IL1RAPL2: variants seen among roughly 807,000 people sequenced by gnomAD.
IL1RAPL2 encodes the protein interleukin 1 receptor accessory protein like 2.
IL1RAPL2 carries 3 observed loss-of-function variants against 44.1 expected under a neutral mutation model. The ratio of observed to expected loss-of-function variants is 0.07; its 90% confidence interval spans 0.03 to 0.18. The LOEUF (loss-of-function observed/expected upper bound fraction) is 0.18. Ranked by LOEUF, IL1RAPL2 falls within the 10% of genes least tolerant of loss-of-function variation. The pLI is 1.00. For missense variants in IL1RAPL2, 391 were observed against 496.4 expected (o/e 0.79, Z 2.02); for synonymous variants, 181 against 178.8 (o/e 1.01, Z -0.10).
intron 10 of IL1RAPL2, among the ~76,000 whole-genome samples, chrX:105,761,220 T>TAC (rs113089380): frequency 0.13 from 10,741 of 83,973 alleles, 784 homozygotes; most frequent in East Asian, 0.31. Context: ...ACTCTTCCTA[T>TAC]ACACACACAC....
chrX:105,496,193 C>T (rs189487068), intron 6 of IL1RAPL2, among the ~76,000 whole-genome samples: 7 of 112,061 alleles, frequency 6.2e-5, no homozygotes, highest in Non-Finnish European at 1.1e-4. Flanking sequence ...AGTTATCCTG[C>T]CATTCCAGAA....
chrX:105,032,609 G>A (rs773638418), intron 2 of IL1RAPL2, among the ~76,000 whole-genome samples: 7 of 111,756 alleles, frequency 6.3e-5, no homozygotes, highest in Non-Finnish European at 1.3e-4. Context: ...TATAATTTCT[G>A]TTCTTTTACA....
At chrX:105,558,655 C>T (rs2036912477) in intron 6 of IL1RAPL2, among the ~76,000 whole-genome samples, 1 of 111,997 alleles carries the variant, frequency 8.9e-6, no homozygotes, top group African/African-American at 3.2e-5. Flanking sequence ...GAAAGTGACC[C>T]AACTTTTGAC....
At chrX:105,132,884 A>G (rs1349915731) in intron 2 of IL1RAPL2, among the ~76,000 whole-genome samples, 1 of 111,992 alleles carries the variant, frequency 8.9e-6, no homozygotes, top group Non-Finnish European at 1.9e-5. Flanking sequence ...AATCAATATG[A>G]GAAAAAGCAA....
intron 5 of IL1RAPL2, among the ~76,000 whole-genome samples, chrX:105,315,578 G>GGATATATATATATATATATATA: frequency 4.6e-5 from 1 of 21,815 alleles, no homozygotes; most frequent in African/African-American, 7.4e-5. Flanking sequence ...ACTAATGGAT[G>GGATATATATATATATATATATA]TATATATATA....
intron 5 of IL1RAPL2, among the ~76,000 whole-genome samples, chrX:105,353,612 C>G (rs1569427696): frequency 9.0e-6 from 1 of 111,336 alleles, no homozygotes; most frequent in Non-Finnish European, 1.9e-5. Flanking sequence ...TTTCATTGAG[C>G]AGTGGTTTGT....
intron 2 of IL1RAPL2, among the ~76,000 whole-genome samples, chrX:105,161,335 T>C (rs971464396): frequency 9.0e-6 from 1 of 110,595 alleles, no homozygotes; most frequent in Admixed American, 9.8e-5. Context: ...CTCATTCACT[T>C]GAATTTAAAA....
At chrX:105,734,322 T>A (rs2147569720) in intron 7 of IL1RAPL2, among the ~76,000 whole-genome samples, 1 of 110,668 alleles carries the variant, frequency 9.0e-6, no homozygotes, top group Admixed American at 9.7e-5. Flanking sequence ...ATTTCCCTTC[T>A]CCCAGGTGGG....
intron 4 of IL1RAPL2, among the ~76,000 whole-genome samples, chrX:105,266,842 A>G (rs1278290380): frequency 8.9e-6 from 1 of 111,811 alleles, no homozygotes; most frequent in African/African-American, 3.2e-5. Flanking sequence ...CTTGATTACA[A>G]GAAGGGAGAT....
rs186766789 is a variant in IL1RAPL2, at chrX:105,104,786, A to G, written c.83-90689A>G. 2.6e-3 allele frequency among the ~76,000 whole-genome samples: 291 copies of G among 112,225 alleles called. 2 individuals carry two copies. The Middle Eastern group carries it at 0.032, about 12-fold the overall frequency. The stretch of plus-strand genomic sequence containing the variant: ...GGCTGAAATGGACAAATATGTAGGG[A>G]AAAAATACAGTAATAAAAAGCTGTG... On this transcript the variant is annotated intron_variant, in intron 2 of 10. Transcript: ENST00000372582.
At chrX:105,574,217 G>GA (rs1175722787) in intron 6 of IL1RAPL2, among the ~76,000 whole-genome samples, 1 of 111,972 alleles carries the variant, frequency 8.9e-6, no homozygotes, top group Non-Finnish European at 1.9e-5. Context: ...GATGGCAAAG[G>GA]AAACAGTAAA....
chrX:104,966,808 G>C (rs2030131992), intron 2 of IL1RAPL2, among the ~76,000 whole-genome samples: 1 of 112,589 alleles, frequency 8.9e-6, no homozygotes. Context: ...CCAGTGTAGT[G>C]TAAAATCAGT....
At chrX:105,466,895 A>G (rs1225740451) in intron 5 of IL1RAPL2, among the ~76,000 whole-genome samples, 2 of 111,925 alleles carry the variant, frequency 1.8e-5, no homozygotes, top group Non-Finnish European at 3.8e-5. Flanking sequence ...AAGGTGGTGC[A>G]GGGCATCCCA....
intron 2 of IL1RAPL2, among the ~76,000 whole-genome samples, chrX:105,094,229 A>T (rs1323847401): frequency 8.9e-6 from 1 of 111,849 alleles, no homozygotes; most frequent in Non-Finnish European, 1.9e-5. Flanking sequence ...TATCTGTAAA[A>T]TGGGTAATAG....
chrX:104,948,318 C>T (rs1476118980), intron 2 of IL1RAPL2, among the ~76,000 whole-genome samples: 4 of 109,166 alleles, frequency 3.7e-5, no homozygotes, highest in African/African-American at 6.7e-5. Flanking sequence ...AGATTTTGGG[C>T]TGAGACAATG....
At chrX:104,779,408 G>A in intron 2 of IL1RAPL2, among the ~76,000 whole-genome samples, 1 of 111,516 alleles carries the variant, frequency 9.0e-6, no homozygotes, top group Non-Finnish European at 1.9e-5. Flanking sequence ...GATGTAATTG[G>A]GTCTAGCAGG....
chrX:105,183,976 A>G (rs782286143), intron 2 of IL1RAPL2, among the ~76,000 whole-genome samples: 9 of 111,324 alleles, frequency 8.1e-5, no homozygotes, highest in Non-Finnish European at 1.3e-4. Flanking sequence ...AAGCTGTCAC[A>G]TGGTCTCCTG....
intron 6 of IL1RAPL2, among the ~76,000 whole-genome samples, chrX:105,517,393 A>G (rs1317440209): frequency 9.0e-6 from 1 of 111,523 alleles, no homozygotes; most frequent in Non-Finnish European, 1.9e-5. Flanking sequence ...TATAGTCAAA[A>G]TTCTCATGGC....
chrX:105,440,825 T>TG (rs954272333), intron 5 of IL1RAPL2, among the ~76,000 whole-genome samples: 15 of 111,571 alleles, frequency 1.3e-4, no homozygotes, highest in East Asian at 5.7e-4. Context: ...AATTGAATCA[T>TG]GGGGGGTGGT....
Sources: gnomAD v4.1 joint callset for allele counts (sites outside exome capture counted in the v4.1 genomes callset) on GRCh38, gnomAD v4.1.1 for gene constraint, MANE v1.5 for transcripts, NCBI Gene and HGNC (gene_info 2026-07-23, HGNC 2026-07-21) for gene names.